ITSN1: variants seen among roughly 807,000 people sequenced by gnomAD.
ITSN1 encodes the protein intersectin 1, also known as intersectin-1.
Under a neutral mutation model 239.8 loss-of-function variants are expected in ITSN1, and 58 were observed. The observed-to-expected ratio is 0.24, with a 90% CI of 0.20 to 0.30. ITSN1 has a LOEUF of 0.30. Among genes scored for constraint, ITSN1 ranks in the 10% least tolerant of loss-of-function variants. The probability of loss-of-function intolerance (pLI) is 1.00; values close to 1 mark genes in which losing one functional copy is unlikely to be tolerated. For synonymous variants in ITSN1, 780 were observed against 770.8 expected (o/e 1.01, Z -0.20); for missense variants, 1,558 against 2,103.3 (o/e 0.74, Z 5.07).
chr21:33,770,585 G>A (rs1050290036), intron 11 of ITSN1, among the ~76,000 whole-genome samples: 1 of 152,044 alleles, frequency 6.6e-6, no homozygotes, highest in African/African-American at 2.4e-5. Context: ...CCAGCCCCTG[G>A]CAACCACCAA....
intron 22 of ITSN1, 71 bp downstream of exon 22, chr21:33,814,143 T>C: frequency 6.6e-7 from 1 of 1,524,314 alleles, no homozygotes; most frequent in Non-Finnish European, 9.0e-7. Context: ...CAAATGCTTT[T>C]TGGCAATGTC....
intron 1 of ITSN1, among the ~76,000 whole-genome samples, chr21:33,696,204 C>T (rs965903809): frequency 1.3e-5 from 2 of 152,128 alleles, no homozygotes; most frequent in African/African-American, 2.4e-5. Context: ...TTGGACTTCT[C>T]CCATTCTTTA....
intron 21 of ITSN1, among the ~76,000 whole-genome samples, chr21:33,813,341 C>T (rs1239712930): frequency 6.6e-6 from 1 of 151,894 alleles, no homozygotes; most frequent in African/African-American, 2.4e-5. Context: ...AATGCCACCA[C>T]ACCCAGCTAA....
At chr21:33,752,058 G>T in intron 7 of ITSN1, 152 bp downstream of exon 7, 1 of 582,978 alleles carries the variant, frequency 1.7e-6, no homozygotes, top group South Asian at 2.4e-5. Context: ...CTTAATTTCT[G>T]GATAGTGTCA....
intron 20 of ITSN1, 153 bp from the exon 21 acceptor site, chr21:33,810,822 A>G (rs931550638): frequency 1.1e-6 from 1 of 895,422 alleles, no homozygotes; most frequent in African/African-American, 1.6e-5. Flanking sequence ...TACTGCTTAG[A>G]CTCTTTTCCC....
chr21:33,842,928 T>A (rs2074873933), intron 29 of ITSN1, among the ~76,000 whole-genome samples: 1 of 152,104 alleles, frequency 6.6e-6, no homozygotes, highest in Admixed American at 6.5e-5. Flanking sequence ...TTTCCTATGC[T>A]GTCCTGTCCC....
intron 4 of ITSN1, among the ~76,000 whole-genome samples, chr21:33,732,799 T>A (rs2066269140): frequency 6.6e-6 from 1 of 152,086 alleles, no homozygotes; most frequent in Admixed American, 6.6e-5. Context: ...AATAAGCACC[T>A]AAAAATGGAA....
intron 11 of ITSN1, among the ~76,000 whole-genome samples, chr21:33,771,025 CAA>C (rs2069120463): frequency 6.6e-6 from 1 of 152,188 alleles, no homozygotes; most frequent in East Asian, 1.9e-4. Flanking sequence ...CTCAGCCTCC[CAA>C]AGTGCTGGGA....
chr21:33,685,981 T>C (rs978541907), intron 1 of ITSN1, among the ~76,000 whole-genome samples: 1 of 152,252 alleles, frequency 6.6e-6, no homozygotes, highest in Admixed American at 6.5e-5. Context: ...TACTTGTTTG[T>C]GCATTCTTAA....
At chr21:33,876,106 T>TTTATTTCC (rs1983728536) in intron 34 of ITSN1, among the ~76,000 whole-genome samples, 1 of 15,186 alleles carries the variant, frequency 6.6e-5, no homozygotes, top group South Asian at 1.5e-3. Context: ...TCTTTCCTTC[T>TTTATTTCC]TTCTTTCTTT....
Position 33,846,412 on chromosome 21 carries a change from T to C in ITSN1, c.3661+9780T>C, listed in dbSNP as rs536725271. Among the ~76,000 whole-genome samples the C allele has an allele frequency of 4.0e-4, 61 of 152,324 alleles. 1 individual carries two copies. Among genetic ancestry groups the C allele is most frequent in the African/African-American group, 1.4e-3 (58 of 41,576 alleles). On this transcript the variant is annotated intron_variant, in intron 29 of 39. Transcript: ENST00000381318. ...TACATAGATACTCTTACCTCCCCAG[T>C]TAGACTGTGAGCTCCTTGGAGGCAG...
intron 27 of ITSN1, among the ~76,000 whole-genome samples, chr21:33,830,041 G>A (rs542444591): frequency 1.2e-4 from 19 of 152,324 alleles, no homozygotes; most frequent in Admixed American, 2.6e-4. Context: ...ATATCCTTAT[G>A]TGCCTTGGCA....
At chr21:33,660,456 CATAA>C (rs2089465098) in intron 1 of ITSN1, among the ~76,000 whole-genome samples, 1 of 152,058 alleles carries the variant, frequency 6.6e-6, no homozygotes. Context: ...TACATGTTAA[CATAA>C]ATAACATTTT....
At chr21:33,721,124 T>C in intron 2 of ITSN1, 54 bp from the exon 3 acceptor site, 3 of 1,191,508 alleles carry the variant, frequency 2.5e-6, no homozygotes, top group East Asian at 4.7e-5. Flanking sequence ...TGTGAGAGCA[T>C]TTTGTTTTCC....
chr21:33,816,313 T>C (rs773984975), intron 22 of ITSN1, among the ~76,000 whole-genome samples: 12 of 152,214 alleles, frequency 7.9e-5, no homozygotes, highest in Non-Finnish European at 1.3e-4. Flanking sequence ...ATAATAGTTA[T>C]ATAGCTCACC....
chr21:33,711,770 A>G (rs1478305161), intron 1 of ITSN1, among the ~76,000 whole-genome samples: 1 of 152,082 alleles, frequency 6.6e-6, no homozygotes, highest in Non-Finnish European at 1.5e-5. Context: ...ATCACTTCAC[A>G]TAGAATGTAG....
At chr21:33,755,919 A>G (rs1203977767) in intron 8 of ITSN1, among the ~76,000 whole-genome samples, 1 of 152,202 alleles carries the variant, frequency 6.6e-6, no homozygotes, top group Admixed American at 6.5e-5. Flanking sequence ...TTAAAAGAAG[A>G]ATGATTCTGT....
At chr21:33,835,911 A>G (rs533099314) in intron 28 of ITSN1, among the ~76,000 whole-genome samples, 3 of 152,342 alleles carry the variant, frequency 2.0e-5, no homozygotes, top group African/African-American at 7.2e-5. Flanking sequence ...AGCGTGGGCA[A>G]CAGAGCGAGG....
intron 4 of ITSN1, among the ~76,000 whole-genome samples, chr21:33,728,887 C>G (rs1333723967): frequency 6.6e-6 from 1 of 152,182 alleles, no homozygotes; most frequent in Non-Finnish European, 1.5e-5. Context: ...CCCCCACTCC[C>G]CCCTGCCCCA....
Sources: gnomAD v4.1 joint callset for allele counts (sites outside exome capture counted in the v4.1 genomes callset) on GRCh38, gnomAD v4.1.1 for gene constraint, MANE v1.5 for transcripts, NCBI Gene and HGNC (gene_info 2026-07-23, HGNC 2026-07-21) for gene names.